Variants in MTHFD1L observed in about 807,000 individuals in gnomAD.
MTHFD1L encodes monofunctional C1-tetrahydrofolate synthase, mitochondrial.
MTHFD1L carries 81 observed loss-of-function variants against 119.5 expected under a neutral mutation model. The ratio of observed to expected loss-of-function variants is 0.68; its 90% CI spans 0.57 to 0.82. MTHFD1L has a LOEUF of 0.82. MTHFD1L is among the 40% of genes least tolerant of loss of function. The pLI is 0.00. For synonymous variants in MTHFD1L, 430 were observed against 475.2 expected, an observed-to-expected ratio of 0.90 and a Z score of 1.24; for missense variants, 1,125 against 1,253.4, an observed-to-expected ratio of 0.90 and a Z score of 1.55.
intron 27 of MTHFD1L, chr6:151,100,015 G>T (rs1795234853): frequency 3.3e-6 from 2 of 615,116 alleles, no homozygotes; most frequent in Non-Finnish European, 2.8e-6. Context: ...AGAAAAGAAA[G>T]AAATATTTTC....
At chr6:150,994,095 A>AAGAAAGAAGAAAG (rs1554273941) in intron 20 of MTHFD1L, among the ~76,000 whole-genome samples, 1 of 143,732 alleles carries the variant, frequency 7.0e-6, no homozygotes, top group Non-Finnish European at 1.5e-5. Flanking sequence ...GAAAGAAAGA[A>AAGAAAGAAGAAAG]AGTGACCCAG....
intron 11 of MTHFD1L, among the ~76,000 whole-genome samples, chr6:150,928,433 CA>C (rs540059318): frequency 0.28 from 19,810 of 70,962 alleles, 1,312 homozygotes; most frequent in East Asian, 0.46. Flanking sequence ...AAGACTGTCT[CA>C]AAAAAAAAAA....
At chr6:150,993,441 C>G (rs1340691654) in intron 20 of MTHFD1L, among the ~76,000 whole-genome samples, 2 of 151,978 alleles carry the variant, frequency 1.3e-5, no homozygotes, top group Non-Finnish European at 2.9e-5. Flanking sequence ...GTGCCTTAGC[C>G]TCTCAAGCTA....
At chr6:150,939,589 C>T (rs1289743883) in intron 13 of MTHFD1L, among the ~76,000 whole-genome samples, 1 of 151,890 alleles carries the variant, frequency 6.6e-6, no homozygotes, top group Non-Finnish European at 1.5e-5. Flanking sequence ...CCCTCCAGCA[C>T]AGCACAGGAG....
chr6:150,983,263 C>G (rs1287527873), intron 20 of MTHFD1L, among the ~76,000 whole-genome samples: 1 of 146,498 alleles, frequency 6.8e-6, no homozygotes, highest in African/African-American at 2.5e-5. Flanking sequence ...TCTTGTCCAC[C>G]CTTTTCTTTA....
chr6:150,913,936 G>A (rs1201173430), intron 8 of MTHFD1L, among the ~76,000 whole-genome samples: 1 of 152,250 alleles, frequency 6.6e-6, no homozygotes, highest in East Asian at 1.9e-4. Context: ...TTTGAGACCA[G>A]CCTGGCCGTG....
rs567085863 is a variant in MTHFD1L, at chr6:150,936,385, G to A, written c.1257-419G>A. ...GTCTGGCAGTGCCCTACTCACCCAA[G>A]GACCGTTGAGCTAGGCCCTGTCCCC... On this transcript the variant is annotated intron_variant, in intron 11 of 27. Transcript: ENST00000367321. Among the ~76,000 whole-genome samples the A allele has an allele frequency of 1.1e-4, 16 of 152,236 alleles. No homozygotes were observed. In the South Asian group the frequency reaches 2.5e-3, roughly 24 times the overall value.
At chr6:150,920,939 ATTTTTTTTTTTTTTTTT>A (rs869169480) in intron 9 of MTHFD1L, among the ~76,000 whole-genome samples, 1 of 96,874 alleles carries the variant, frequency 1.0e-5, no homozygotes, top group South Asian at 3.6e-4. Flanking sequence ...CACCCAGATA[ATTTTTTTTTTTTTTTTT>A]TTTTTTTTTT....
intron 20 of MTHFD1L, among the ~76,000 whole-genome samples, chr6:151,005,769 C>T (rs561553141): frequency 2.0e-5 from 3 of 152,038 alleles, no homozygotes; most frequent in Admixed American, 6.6e-5. Flanking sequence ...AGTGAAACTC[C>T]GTTTCAAAAA....
intron 10 of MTHFD1L, among the ~76,000 whole-genome samples, chr6:150,925,769 T>C (rs1789856064): frequency 6.6e-6 from 1 of 152,144 alleles, no homozygotes; most frequent in African/African-American, 2.4e-5. Flanking sequence ...CGCTAATGAA[T>C]ACCATGATGG....
At chr6:151,055,421 A>G (rs1789736563) in intron 26 of MTHFD1L, among the ~76,000 whole-genome samples, 2 of 152,218 alleles carry the variant, frequency 1.3e-5, no homozygotes, top group Admixed American at 6.5e-5. Flanking sequence ...AGGAAACCAG[A>G]GCAGGAAGAG....
At chr6:151,070,067 C>T (rs1403138574) in intron 26 of MTHFD1L, among the ~76,000 whole-genome samples, 1 of 152,098 alleles carries the variant, frequency 6.6e-6, no homozygotes, top group African/African-American at 2.4e-5. Context: ...TATGCATGCC[C>T]TTTGGTGCAA....
intron 20 of MTHFD1L, among the ~76,000 whole-genome samples, chr6:151,003,329 C>T (rs1014248854): frequency 3.9e-5 from 6 of 152,114 alleles, no homozygotes; most frequent in South Asian, 2.1e-4. Context: ...GTCAGAAGTT[C>T]GAGACCAGCC....
chr6:150,991,832 G>C (rs1043129423), intron 20 of MTHFD1L, among the ~76,000 whole-genome samples: 2 of 152,176 alleles, frequency 1.3e-5, no homozygotes, highest in African/African-American at 4.8e-5. Context: ...TTTTGAAATA[G>C]TGGTTTCAGG....
chr6:150,877,901 G>A (rs1202121882), intron 4 of MTHFD1L, 75 bp downstream of exon 4: 2 of 1,551,982 alleles, frequency 1.3e-6, no homozygotes, highest in East Asian at 2.2e-5. Flanking sequence ...GCGTCTCTTA[G>A]TGGTGGCTGG....
intron 24 of MTHFD1L, among the ~76,000 whole-genome samples, chr6:151,023,867 A>G (rs1395458591): frequency 3.3e-5 from 5 of 152,170 alleles, no homozygotes. Context: ...ATCCCTCCCC[A>G]GGCTTTCTGA....
intron 20 of MTHFD1L, among the ~76,000 whole-genome samples, chr6:150,975,784 C>T (rs897241176): frequency 3.3e-5 from 5 of 152,148 alleles, no homozygotes; most frequent in African/African-American, 9.7e-5. Flanking sequence ...TACCAGCAGA[C>T]GTCCTCACAC....
At chr6:150,892,654 G>A (rs950853020) in intron 7 of MTHFD1L, among the ~76,000 whole-genome samples, 5 of 152,008 alleles carry the variant, frequency 3.3e-5, no homozygotes, top group South Asian at 2.1e-4. Context: ...ACCTACCTAC[G>A]TCAGGCTCCT....
At chr6:150,867,818 GAC>G (rs1778681363) in intron 1 of MTHFD1L, among the ~76,000 whole-genome samples, 6 of 121,458 alleles carry the variant, frequency 4.9e-5, no homozygotes, top group Admixed American at 3.6e-4. Flanking sequence ...TTTTTTTTGA[GAC>G]GGAGTCTTGC....
Sources: allele counts gnomAD v4.1 joint callset (sites outside exome capture counted in the v4.1 genomes callset), GRCh38; gene constraint gnomAD v4.1.1; transcripts MANE v1.5; gene names NCBI Gene and HGNC (gene_info 2026-07-23, HGNC 2026-07-21).